Variants in NRXN2 observed in about 807,000 individuals in gnomAD.
NRXN2 encodes the protein neurexin 2, also known as neurexin-2-beta.
A neutral mutation model predicts 128.8 loss-of-function variants in NRXN2; 29 were observed. That is an observed-to-expected ratio of 0.23 (90% CI 0.17 to 0.31). The LOEUF is 0.31. Ranked by LOEUF, NRXN2 falls within the 10% of genes least tolerant of loss-of-function variation. The probability of loss-of-function intolerance (pLI) is 1.00; values close to 1 mark genes in which losing one functional copy is unlikely to be tolerated. For synonymous variants in NRXN2, 1,098 were observed against 1,075.2 expected (o/e 1.02, Z -0.41); for missense variants, 1,881 against 2,452.6 (o/e 0.77, Z 4.92).
intron 3 of NRXN2, among the ~76,000 whole-genome samples, chr11:64,693,488 C>T (rs1351338771): frequency 6.6e-6 from 1 of 152,030 alleles, no homozygotes; most frequent in African/African-American, 2.4e-5. Flanking sequence ...CCCCCAACAC[C>T]CCTAATCCCA....
At chr11:64,702,628 TC>T (rs1419127815) in intron 2 of NRXN2, among the ~76,000 whole-genome samples, 1 of 151,706 alleles carries the variant, frequency 6.6e-6, no homozygotes, top group African/African-American at 2.4e-5. Context: ...TCATCACCAC[TC>T]CCTAATCTCA....
In NRXN2 at chr11:64,660,829, G is replaced by A. The variant is rs778853068; in HGVS notation, c.2109C>T (p.Gly703=). Residue 703 remains glycine (G), a synonymous_variant, in exon 10 of 23, where the codon GGC becomes GGT. Coordinates refer to ENST00000265459, the MANE Select transcript of NRXN2 (RefSeq NM_015080.4). This position sits in a 1 kb window ranked among gnomAD's most constrained non-coding sequence, Gnocchi z 5.2. ...QCASAPCRNG[G]VCREGWNRFI... Reference sequence around the variant, plus strand: ...AGCGGTTCCAGCCTTCTCGACAGACGCCCCCATTGCGACAGGGGGCAGATG... The same window carrying A: ...AGCGGTTCCAGCCTTCTCGACAGACACCCCCATTGCGACAGGGGGCAGATG... 56 of 1,613,884 alleles carry A rather than the reference G, an allele frequency of 3.5e-5. No individual in the cohort carries two copies. Among genetic ancestry groups the A allele is most frequent in the Non-Finnish European group, 4.7e-5 (55 of 1,180,008 alleles).
At chr11:64,722,285 G>C in intron 1 of NRXN2, among the ~76,000 whole-genome samples, 1 of 126,704 alleles carries the variant, frequency 7.9e-6, no homozygotes, top group East Asian at 2.2e-4. Flanking sequence ...CAGTCTCCCT[G>C]TCTCATCACC....
At chr11:64,636,990 G>A (rs2044827239) in intron 17 of NRXN2, among the ~76,000 whole-genome samples, 1 of 152,106 alleles carries the variant, frequency 6.6e-6, no homozygotes, top group Non-Finnish European at 1.5e-5. Flanking sequence ...GGCCCAGGGA[G>A]GTGCTGAGGA....
chr11:64,709,113 G>T (rs1450874542), intron 2 of NRXN2, among the ~76,000 whole-genome samples: 1 of 150,282 alleles, frequency 6.7e-6, no homozygotes, highest in Middle Eastern at 3.2e-3. Context: ...AATCGCTTGA[G>T]CCCAGGAGGT....
At chr11:64,629,113 G>A (rs2043498118) in intron 19 of NRXN2, among the ~76,000 whole-genome samples, 1 of 152,190 alleles carries the variant, frequency 6.6e-6, no homozygotes, top group African/African-American at 2.4e-5. Flanking sequence ...GCCCATGAAA[G>A]TTTACACATT....
chr11:64,660,341 C>A lies in NRXN2; in HGVS notation c.2380G>T (p.Val794Phe). The A allele has an allele frequency of 6.2e-7, 1 of 1,613,572 alleles. No individual in the cohort carries two copies. The highest frequency in any genetic ancestry group is 8.5e-7 in the Non-Finnish European group (1 of 1,179,960). Residue 794 changes from valine to phenylalanine, a missense_variant, in exon 11 of 23, where the codon GTC (valine) becomes TTC (phenylalanine). Val to Phe is a conservative substitution (Grantham distance 50). Around this residue, in one of 7 missense-constraint regions of NRXN2, gnomAD observed 997 missense variants for 1,240.8 expected, o/e 0.80. Transcript: ENST00000265459. The surrounding 1 kb of genome is among the most constrained non-coding windows in gnomAD (Gnocchi z 5.2). ...AGGGCAGGGTGGTTACCGAGGTTGA[C>A]AGTGAGCTTCATCTGCCCCCCATCC... ...ELDGGQMKLT[V>F]NLDCLRVGCA...
Position 64,648,974 on chromosome 11 carries a change from G to A in NRXN2, c.3110-67C>T. ...TCCCATCCCAAGACAATGGCATCTG[G>A]CTGTCAGGTCCTCCCAGCCTTCTCA... On this transcript the variant is annotated intron_variant, in intron 15 of 22. Transcript: ENST00000265459. The surrounding 1 kb of genome is among the most constrained non-coding windows in gnomAD (Gnocchi z 4.1). The A allele has an allele frequency of 6.5e-7, 1 of 1,538,524 alleles. No homozygotes were observed. The highest frequency in any genetic ancestry group is 9.0e-7 in the Non-Finnish European group (1 of 1,113,110).
At chr11:64,625,803 G>GA (rs925259378) in intron 20 of NRXN2, among the ~76,000 whole-genome samples, 1 of 152,156 alleles carries the variant, frequency 6.6e-6, no homozygotes, top group Non-Finnish European at 1.5e-5. Flanking sequence ...AGCAGGAGCA[G>GA]AAATCCCTAT....
chr11:64,660,642 G>C lies in NRXN2; in HGVS notation c.2186-107C>G. 6.3e-7 allele frequency: 1 copy of C among 1,589,772 alleles called. No individual in the cohort carries two copies. The highest frequency in any genetic ancestry group is 8.6e-7 in the Non-Finnish European group (1 of 1,166,888). On this transcript the variant is annotated intron_variant, in intron 10 of 22. Transcript: ENST00000265459. The surrounding 1 kb of genome is among the most constrained non-coding windows in gnomAD (Gnocchi z 5.2). ...GGCGAAAAGCCTAGGGCAGGTCTAT[G>C]AGGGGTTCCCCTAGGAGGAGGTGGC...
Position 64,651,217 on chromosome 11 carries a change from C to A in NRXN2, c.2918+38G>T. On this transcript the variant is annotated intron_variant, in intron 14 of 22. Transcript: ENST00000265459. The surrounding 1 kb of genome is among the most constrained non-coding windows in gnomAD (Gnocchi z 5.9). Reference sequence around the variant, plus strand: ...TATGTGGTTCAGCAGGGGGAGGGGGCCACCTCCTTGACAGCAGTGCAATCC... The same window carrying A: ...TATGTGGTTCAGCAGGGGGAGGGGGACACCTCCTTGACAGCAGTGCAATCC... 1 of 1,612,588 alleles carries A rather than the reference C, an allele frequency of 6.2e-7. No individual in the cohort carries two copies. The highest frequency in any genetic ancestry group is 1.3e-5 in the African/African-American group (1 of 75,010).
At position 64,652,732 on chromosome 11, in the gene NRXN2, C is replaced by T. The variant is rs185732414; in HGVS notation, c.2417-578G>A. ...TTTCTACATACACATGCCTGGTTAACGTCACACACCAAGTCACGCCACCAC... is the reference window on the plus strand; with the variant it reads ...TTTCTACATACACATGCCTGGTTAATGTCACACACCAAGTCACGCCACCAC... On this transcript the variant is annotated intron_variant, in intron 12 of 22. Coordinates refer to ENST00000265459, the MANE Select transcript of NRXN2 (RefSeq NM_015080.4). 3.5e-3 allele frequency among the ~76,000 whole-genome samples: 530 copies of T among 152,218 alleles called. 2 individuals are homozygous for T. The highest frequency in any genetic ancestry group is 0.014 in the Middle Eastern group (4 of 294).
rs199706611 is a variant in NRXN2 at position 64,653,740 on chromosome 11, C to T, written c.2390-18G>A. On this transcript the variant is annotated intron_variant, in intron 11 of 22. Coordinates refer to ENST00000265459, the MANE Select transcript of NRXN2 (RefSeq NM_015080.4). Reference sequence around the variant, plus strand: ...CAGGCAGTCTGGGGGGGCCATGGGGCGGGCAGAGGGGAAGGGGAGACAAAA... The same window carrying T: ...CAGGCAGTCTGGGGGGGCCATGGGGTGGGCAGAGGGGAAGGGGAGACAAAA... 95 of 1,481,328 alleles carry T rather than the reference C, an allele frequency of 6.4e-5. 1 individual carries two copies. Among genetic ancestry groups the T allele is most frequent in the African/African-American group, 4.4e-4 (32 of 72,392 alleles). The allele number at this position is 1,481,328 out of a possible 1,614,324, so 91.8% of individuals were successfully genotyped here. A position where few individuals can be genotyped will look rare whatever the true frequency, so the allele number is the denominator to read the frequency against.
At chr11:64,692,234 C>T (rs2053893549) in intron 4 of NRXN2, among the ~76,000 whole-genome samples, 1 of 152,120 alleles carries the variant, frequency 6.6e-6, no homozygotes, top group Non-Finnish European at 1.5e-5. Context: ...AAGAGACATT[C>T]AAAAGATACA....
Position 64,685,748 on chromosome 11 carries a change from G to A in NRXN2, c.1050C>T (p.Ile350=). 1.2e-6 allele frequency: 2 copies of A among 1,614,238 alleles called. No homozygotes were observed. The highest frequency in any genetic ancestry group is 1.7e-6 in the Non-Finnish European group (2 of 1,180,048). ...SLKSGAVWLV[I]NLGSGAFEAL... ...CCTCGAAGGCACCTGAGCCTAGGTT[G>A]ATGACCAGCCAGACAGCCCCAGACT... The change falls in exon 6 of 23, where the codon ATC becomes ATT. Residue 350 remains isoleucine, a synonymous_variant. Transcript: ENST00000265459.
At chr11:64,629,519 C>T (rs1214864507) in intron 19 of NRXN2, among the ~76,000 whole-genome samples, 1 of 152,164 alleles carries the variant, frequency 6.6e-6, no homozygotes, top group Non-Finnish European at 1.5e-5. Flanking sequence ...CATTCTAAGG[C>T]TCTGTCTCTG....
intron 9 of NRXN2, among the ~76,000 whole-genome samples, chr11:64,662,761 G>A (rs1301386748): frequency 2.0e-5 from 3 of 152,024 alleles, no homozygotes; most frequent in African/African-American, 4.8e-5. Flanking sequence ...CAGTCTGGGC[G>A]ACAGAGCGAG....
chr11:64,622,687 T>C lies in NRXN2; in HGVS notation c.4173+66A>G. On this transcript the variant is annotated intron_variant, in intron 21 of 22. Transcript: ENST00000265459. This position sits in a 1 kb window ranked among gnomAD's most constrained non-coding sequence, Gnocchi z 4.3. Reference sequence around the variant, plus strand: ...TCACTCTAGGCACCACTACTGTGGCTATGCAGATATCAACCCCATCCCCAC... The same window carrying C: ...TCACTCTAGGCACCACTACTGTGGCCATGCAGATATCAACCCCATCCCCAC... The C allele has an allele frequency of 6.4e-7, 1 of 1,556,816 alleles. No homozygotes were observed. Among genetic ancestry groups the C allele is most frequent in the Non-Finnish European group, 8.7e-7 (1 of 1,151,450 alleles).
In NRXN2 at chr11:64,713,103, G is replaced by A; in HGVS notation, c.597C>T (p.Gly199=). 1 of 1,335,606 alleles carries A rather than the reference G, an allele frequency of 7.5e-7. No homozygotes were observed. The allele number at this position is 1,335,606 out of a possible 1,614,324, so 82.7% of individuals were successfully genotyped here. A position where few individuals can be genotyped will look rare whatever the true frequency, so the allele number is the denominator to read the frequency against. The change falls in exon 2 of 23, where the codon GGC becomes GGT. Residue 199 remains glycine (G), a synonymous_variant. Transcript: ENST00000265459. ...PALLGSQGLR[G]ATADPLCAPA... ...GCGCGCACAGCGGGTCGGCGGTGGC[G>A]CCGCGCAGGCCCTGGCTGCCCAGCA... is the stretch of plus-strand genomic sequence containing the variant.
Sources: gnomAD v4.1 joint callset for allele counts (sites outside exome capture counted in the v4.1 genomes callset) on GRCh38, gnomAD v4.1.1 for gene constraint, gnomAD v4.1.1 regional missense constraint, Gnocchi (gnomAD v3.1) non-coding constraint, MANE v1.5 for transcripts, NCBI Gene and HGNC (gene_info 2026-07-23, HGNC 2026-07-21) for gene names.